Variants in SLC24A4 observed in about 807,000 individuals in gnomAD.
The protein encoded by SLC24A4 is sodium/potassium/calcium exchanger 4.
In SLC24A4, 53 loss-of-function variants were observed where a neutral mutation model predicts 79.0. That is an observed-to-expected ratio of 0.67 (90% CI 0.54 to 0.84). SLC24A4 has a LOEUF of 0.84. Among genes scored for constraint, SLC24A4 ranks in the 40% least tolerant of loss-of-function variants. The pLI is 0.00. For missense variants in SLC24A4, 731 were observed against 822.0 expected (o/e 0.89, Z 1.35); for synonymous variants, 323 against 323.8 (o/e 1.00, Z 0.03).
intron 2 of SLC24A4, among the ~76,000 whole-genome samples, chr14:92,356,185 G>A (rs1033718681): frequency 1.3e-5 from 2 of 152,072 alleles, no homozygotes; most frequent in African/African-American, 2.4e-5. Flanking sequence ...GCTTAAGATG[G>A]GCAAGGCTAA....
intron 3 of SLC24A4, among the ~76,000 whole-genome samples, chr14:92,435,637 C>CT (rs1188297903): frequency 1.3e-5 from 2 of 152,150 alleles, no homozygotes; most frequent in Non-Finnish European, 2.9e-5. Context: ...AGTATTAACT[C>CT]TTTGCAAGAG....
chr14:92,395,413 TCAAAA>T (rs967915367), intron 2 of SLC24A4, among the ~76,000 whole-genome samples: 6 of 141,600 alleles, frequency 4.2e-5, no homozygotes, highest in Admixed American at 3.6e-4. Context: ...CAGGGATGAT[TCAAAA>T]CAAAACAAAA....
intron 2 of SLC24A4, among the ~76,000 whole-genome samples, chr14:92,415,658 A>G (rs1890939462): frequency 6.6e-6 from 1 of 151,994 alleles, no homozygotes; most frequent in Non-Finnish European, 1.5e-5. Flanking sequence ...GGGTTTCACC[A>G]TATTGGCCAG....
At chr14:92,433,410 G>C (rs973396831) in intron 2 of SLC24A4, among the ~76,000 whole-genome samples, 9 of 152,138 alleles carry the variant, frequency 5.9e-5, no homozygotes, top group African/African-American at 2.2e-4. Context: ...TATGAACATT[G>C]ATGTGTAAGT....
intron 13 of SLC24A4, chr14:92,484,163 C>T: frequency 1.0e-6 from 1 of 985,386 alleles, no homozygotes; most frequent in Non-Finnish European, 1.2e-6. Context: ...CCCCCCAACC[C>T]AATCACGCCT....
rs1406785244 is a variant in SLC24A4, at chr14:92,494,179, A to T, written c.*551A>T. On this transcript the variant is annotated 3_prime_UTR_variant, in exon 17 of 17. Coordinates refer to ENST00000532405, the MANE Select transcript of SLC24A4 (RefSeq NM_153646.4). The surrounding 1 kb of genome is among the most constrained non-coding windows in gnomAD (Gnocchi z 4.6). Reference sequence around the variant, plus strand: ...AACCTGTTGGGGTTTAGGGCCCATGATGGCAGACATTCTACCCCTTTTCCT... The same window carrying T: ...AACCTGTTGGGGTTTAGGGCCCATGTTGGCAGACATTCTACCCCTTTTCCT... The T allele has an allele frequency of 6.5e-6, 1 of 152,706 alleles. No individual in the cohort carries two copies. The highest frequency in any genetic ancestry group is 2.4e-5 in the African/African-American group (1 of 41,466). 9.5% of individuals were successfully genotyped at this position (152,706 alleles called of 1,614,324 possible).
At chr14:92,408,475 AT>A (rs959310999) in intron 2 of SLC24A4, 44 of 966,232 alleles carry the variant, frequency 4.6e-5, no homozygotes, top group Middle Eastern at 1.0e-3. Context: ...AGGTGGGCTG[AT>A]TGTTTTAATG....
chr14:92,360,748 G>A (rs574649821), intron 2 of SLC24A4, among the ~76,000 whole-genome samples: 24 of 152,304 alleles, frequency 1.6e-4, no homozygotes, highest in African/African-American at 5.8e-4. Context: ...CCTCCATCTG[G>A]TTGGAGTCAT....
chr14:92,391,219 A>C (rs1032977161), intron 2 of SLC24A4, among the ~76,000 whole-genome samples: 2 of 152,192 alleles, frequency 1.3e-5, no homozygotes, highest in Non-Finnish European at 2.9e-5. Flanking sequence ...GCAGCTAGCT[A>C]CACCTGCCAT....
At chr14:92,480,363 A>G (rs12889521) in intron 12 of SLC24A4, among the ~76,000 whole-genome samples, 130,108 of 130,314 alleles carry the variant, frequency 1, 64,951 homozygotes, top group Middle Eastern at 1. Context: ...GCACAATCTC[A>G]GCTCACTGCA....
chr14:92,492,137 A>C (rs1447650055), intron 15 of SLC24A4, 38 bp from the exon 16 acceptor site: 35 of 1,590,244 alleles, frequency 2.2e-5, no homozygotes, highest in Non-Finnish European at 3.0e-5. Flanking sequence ...GGCTCTGAGC[A>C]GTCAAGAGAC....
intron 15 of SLC24A4, 69 bp from the exon 16 acceptor site, chr14:92,492,106 G>C: frequency 2.8e-6 from 4 of 1,430,594 alleles, no homozygotes; most frequent in South Asian, 1.2e-5. Context: ...GCCCAGGCAT[G>C]CTGGGATTTC....
intron 5 of SLC24A4, 74 bp downstream of exon 5, chr14:92,442,247 G>T: frequency 1.7e-6 from 2 of 1,207,592 alleles, no homozygotes; most frequent in Admixed American, 1.9e-5. Flanking sequence ...GGGGGCATTT[G>T]TCAGCTCTGA....
At chr14:92,375,371 C>T (rs1482675726) in intron 2 of SLC24A4, among the ~76,000 whole-genome samples, 3 of 152,176 alleles carry the variant, frequency 2.0e-5, no homozygotes, top group East Asian at 1.9e-4. Flanking sequence ...TGTAAAATGG[C>T]GCTCCTGTGG....
intron 2 of SLC24A4, among the ~76,000 whole-genome samples, chr14:92,425,691 G>T (rs1891526077): frequency 6.6e-6 from 1 of 152,092 alleles, no homozygotes; most frequent in African/African-American, 2.4e-5. Flanking sequence ...AAAATGGAGG[G>T]GTTACACCTA....
chr14:92,486,538 A>G (rs1444275227), intron 13 of SLC24A4, 128 bp from the exon 14 acceptor site: 2 of 646,194 alleles, frequency 3.1e-6, no homozygotes, highest in East Asian at 5.6e-5. Context: ...GTTTTGTTTT[A>G]AAAGAGGCAG....
rs1252848414 is a variant in SLC24A4, at chr14:92,490,080, AGGT to A, written c.1538-1583_1538-1581del. On this transcript the variant is annotated intron_variant, in intron 14 of 16. Coordinates refer to ENST00000532405, the MANE Select transcript of SLC24A4 (RefSeq NM_153646.4). The surrounding 1 kb of genome is among the most constrained non-coding windows in gnomAD (Gnocchi z 4.3). ...TGACAGCAACAAGCAGGGGAGGAGG[AGGT>A]GACCTAGCTATGCAACATGGGCGGG... Among the ~76,000 whole-genome samples, 1 of 151,974 alleles carries A rather than the reference AGGT, an allele frequency of 6.6e-6. No individual in the cohort carries two copies. Among genetic ancestry groups the A allele is most frequent in the Non-Finnish European group, 1.5e-5 (1 of 68,002 alleles).
chr14:92,371,251 A>G (rs917292815), intron 2 of SLC24A4, among the ~76,000 whole-genome samples: 3 of 152,214 alleles, frequency 2.0e-5, no homozygotes, highest in Admixed American at 6.5e-5. Flanking sequence ...GTGGGTCCCA[A>G]TAAAAACAGT....
At chr14:92,400,320 T>A (rs567330239) in intron 2 of SLC24A4, among the ~76,000 whole-genome samples, 106 of 151,134 alleles carry the variant, frequency 7.0e-4, no homozygotes, top group African/African-American at 2.5e-3. Flanking sequence ...GCGCCTGTAG[T>A]CCCAGCTACT....
Sources: gnomAD v4.1 joint callset for allele counts (sites outside exome capture counted in the v4.1 genomes callset) on GRCh38, gnomAD v4.1.1 for gene constraint, Gnocchi (gnomAD v3.1) non-coding constraint, MANE v1.5 for transcripts, NCBI Gene and HGNC (gene_info 2026-07-23, HGNC 2026-07-21) for gene names.